The following DDX42 variants were observed in gnomAD, a reference collection of about 807,000 sequenced individuals.
The protein encoded by DDX42 is DEAD-box helicase 42, also known as ATP-dependent RNA helicase DDX42.
In DDX42, 22 loss-of-function variants were observed where a neutral mutation model predicts 101.5. The ratio of observed to expected loss-of-function variants is 0.22; its 90% CI spans 0.15 to 0.31. DDX42 has a LOEUF of 0.31. Among genes scored for constraint, DDX42 ranks in the 10% least tolerant of loss-of-function variants. The probability of loss-of-function intolerance (pLI) is 1.00; values close to 1 mark genes in which losing one functional copy is unlikely to be tolerated. For missense variants in DDX42, 849 were observed against 1,199.9 expected, an observed-to-expected ratio of 0.71 and a Z score of 4.32; for synonymous variants, 402 against 401.2, an observed-to-expected ratio of 1.00 and a Z score of -0.02.
At position 63,800,599 on chromosome 17, in the gene DDX42, C is replaced by A; in HGVS notation, c.603C>A (p.Pro201=). 1 of 1,614,034 alleles carries A rather than the reference C, an allele frequency of 6.2e-7. No individual in the cohort carries two copies. The highest frequency in any genetic ancestry group is 8.5e-7 in the Non-Finnish European group (1 of 1,179,954). Reference sequence around the variant, plus strand: ...CCAAAAAAATCATTGATCCTCTTCCCCCCATTGATCATTCAGAGGTATGGT... The same window carrying A: ...CCAAAAAAATCATTGATCCTCTTCCACCCATTGATCATTCAGAGGTATGGT... ...APTKKIIDPL[P]PIDHSEIDYP... is the part of the protein sequence containing the mutation. Residue 201 remains proline, a synonymous_variant, in exon 6 of 18, where the codon CCC becomes CCA. Coordinates refer to ENST00000389924, the MANE Select transcript of DDX42 (RefSeq NM_203499.3).
At chr17:63,817,590 A>T in intron 17 of DDX42, 104 bp from the exon 18 acceptor site, 1 of 1,120,778 alleles carries the variant, frequency 8.9e-7, no homozygotes, top group Admixed American at 2.3e-5. Flanking sequence ...TCACAGTGCC[A>T]GGATAGCACA....
Position 63,812,147 on chromosome 17 carries a change from C to T in DDX42, c.1614C>T (p.Asn538=), listed in dbSNP as rs780480711. ...LHGDMDQSER[N]KVISDFKKKD... ...GGGATATGGATCAGAGTGAGAGAAA[C>T]AAGGTCATTTCAGACTTTAAGAAAA... Residue 538 remains asparagine, a synonymous_variant, in exon 14 of 18, where the codon AAC becomes AAT. Coordinates refer to ENST00000389924, the MANE Select transcript of DDX42 (RefSeq NM_203499.3). 74 of 1,614,108 alleles carry T rather than the reference C, an allele frequency of 4.6e-5. No homozygotes were observed. The highest frequency in any genetic ancestry group is 6.0e-5 in the Non-Finnish European group (71 of 1,180,040).
intron 1 of DDX42, among the ~76,000 whole-genome samples, chr17:63,785,459 A>G (rs2039535801): frequency 1.3e-5 from 2 of 148,894 alleles, no homozygotes; most frequent in Non-Finnish European, 3.0e-5. Context: ...CAAAAAACAA[A>G]AAACAAAAAA....
chr17:63,788,023 C>A (rs893063736), intron 2 of DDX42, among the ~76,000 whole-genome samples: 112 of 151,046 alleles, frequency 7.4e-4, no homozygotes, highest in Non-Finnish European at 8.8e-4. Flanking sequence ...TCCAGCCTCA[C>A]CCTCCTGTGT....
At chr17:63,796,092 G>A (rs931824687) in intron 3 of DDX42, among the ~76,000 whole-genome samples, 3 of 152,116 alleles carry the variant, frequency 2.0e-5, no homozygotes, top group African/African-American at 7.2e-5. Context: ...TGTATGCGTT[G>A]TTTTCTTCAT....
chr17:63,790,179 A>G (rs1249896099), intron 2 of DDX42, among the ~76,000 whole-genome samples: 1 of 152,204 alleles, frequency 6.6e-6, no homozygotes, highest in Non-Finnish European at 1.5e-5. Context: ...AAAACCTACT[A>G]TATGAATGAA....
intron 16 of DDX42, 80 bp from the exon 17 acceptor site, chr17:63,816,788 T>C: frequency 1.8e-6 from 2 of 1,092,352 alleles, no homozygotes; most frequent in Non-Finnish European, 1.3e-6. Flanking sequence ...ACTTCAAGGG[T>C]TTTCATAATG....
At chr17:63,787,922 T>G (rs28582809) in intron 2 of DDX42, among the ~76,000 whole-genome samples, 110 of 144,062 alleles carry the variant, frequency 7.6e-4, no homozygotes, top group African/African-American at 8.1e-4. Flanking sequence ...TTTTTTTTTT[T>G]GGAGGCAGAG....
intron 13 of DDX42, 40 bp downstream of exon 13, chr17:63,811,213 AT>A: frequency 7.2e-7 from 1 of 1,395,332 alleles, no homozygotes; most frequent in Non-Finnish European, 1.0e-6. Context: ...TAATGGGTTT[AT>A]TTCTCATATT....
chr17:63,812,294 A>C (rs2039919966), intron 14 of DDX42, 86 bp downstream of exon 14: 2 of 1,489,208 alleles, frequency 1.3e-6, no homozygotes, highest in South Asian at 1.4e-5. Flanking sequence ...ATATCTGAGC[A>C]GGCTGATGGA....
Position 63,808,922 on chromosome 17 carries a change from G to T in DDX42, c.1126G>T (p.Gly376Trp). The stretch of plus-strand genomic sequence containing the variant: ...GGAGCAGGCCAAGGCCCTTCAGGAG[G>T]GGGCAGAGATTGTTGTGTGTACCCC... ...MWEQAKALQE[G>W]AEIVVCTPGR... Residue 376 changes from glycine to tryptophan, a missense_variant, in exon 10 of 18, where the codon GGG becomes TGG. This residue lies in a region of DDX42 where 370 missense variants were observed against 608.8 expected (regional missense o/e 0.61). Transcript: ENST00000389924. 1 of 1,613,992 alleles carries T rather than the reference G, an allele frequency of 6.2e-7. No homozygotes were observed.
chr17:63,797,917 G>A, intron 3 of DDX42, 121 bp from the exon 4 acceptor site: 1 of 802,574 alleles, frequency 1.2e-6, no homozygotes, highest in Non-Finnish European at 1.9e-6. Flanking sequence ...CAATTTGATG[G>A]CATCAAAATG....
At chr17:63,794,270 A>G (rs1199894482) in intron 3 of DDX42, among the ~76,000 whole-genome samples, 3 of 152,162 alleles carry the variant, frequency 2.0e-5, no homozygotes, top group Non-Finnish European at 4.4e-5. Context: ...ATGGCTGGAC[A>G]TGGTGGCTCA....
rs776347988 is a variant in DDX42 at position 63,813,331 on chromosome 17, T to G, written c.1779T>G (p.Gly593=). Residue 593 remains glycine, a synonymous_variant, in exon 15 of 18, where the codon GGT becomes GGG. Transcript: ENST00000389924. ...GGATTGGCCGCACAGGAAGAGCGGG[T>G]GAGAAAGGTGTGGCCTATACCCTAC... ...THRIGRTGRA[G]EKGVAYTLLT... The G allele has an allele frequency of 9.9e-6, 16 of 1,613,958 alleles. No homozygotes were observed. The highest frequency in any genetic ancestry group is 1.3e-5 in the Non-Finnish European group (15 of 1,180,030).
intron 8 of DDX42, 22 bp from the exon 9 acceptor site, chr17:63,807,702 T>A (rs370109600): frequency 2.5e-6 from 4 of 1,600,254 alleles, no homozygotes; most frequent in Admixed American, 3.5e-5. Context: ...TTTAGAGTGG[T>A]TATATTTTAC....
chr17:63,813,602 A>G (rs1445773927), intron 15 of DDX42, 148 bp downstream of exon 15: 3 of 634,286 alleles, frequency 4.7e-6, no homozygotes, highest in Non-Finnish European at 5.4e-6. Flanking sequence ...GAATTGTGAG[A>G]TACTAAAATT....
At chr17:63,811,874 G>C in intron 13 of DDX42, 58 bp from the exon 14 acceptor site, 1 of 1,610,616 alleles carries the variant, frequency 6.2e-7, no homozygotes, top group African/African-American at 1.3e-5. Flanking sequence ...CCTAGTCCTT[G>C]TTCAGGTGCC....
chr17:63,806,338 T>C (rs2039839820), intron 7 of DDX42, 197 bp from the exon 8 acceptor site: 1 of 396,372 alleles, frequency 2.5e-6, no homozygotes, highest in African/African-American at 2.1e-5. Flanking sequence ...GGAATATTTA[T>C]CATGGAGTTT....
intron 11 of DDX42, 130 bp downstream of exon 11, chr17:63,809,789 A>G: frequency 1.5e-6 from 1 of 656,924 alleles, no homozygotes; most frequent in African/African-American, 1.8e-5. Context: ...GACTATAGAA[A>G]TATAGCTAAG....
Sources: allele counts gnomAD v4.1 joint callset (sites outside exome capture counted in the v4.1 genomes callset), GRCh38; gene constraint gnomAD v4.1.1; regional missense constraint gnomAD v4.1.1; transcripts MANE v1.5; gene names NCBI Gene and HGNC (gene_info 2026-07-23, HGNC 2026-07-21).